Variants in CCDC167 observed in about 807,000 individuals in gnomAD.
CCDC167 encodes the protein coiled-coil domain-containing protein 167.
Under a neutral mutation model 12.7 loss-of-function variants are expected in CCDC167, and 15 were observed. The ratio of observed to expected loss-of-function variants is 1.18; its 90% CI spans 0.79 to 1.81. The LOEUF is 1.81. Ranked by LOEUF, CCDC167 falls within the 40% of genes most tolerant of loss-of-function variation. The probability of loss-of-function intolerance (pLI) is 0.00; values close to 1 mark genes in which losing one functional copy is unlikely to be tolerated. For missense variants in CCDC167, 121 were observed against 120.1 expected (o/e 1.01, Z -0.03); for synonymous variants, 52 against 49.0 (o/e 1.06, Z -0.26).
At chr6:37,498,812 G>A (rs983372317) in intron 1 of CCDC167, among the ~76,000 whole-genome samples, 24 of 130,564 alleles carry the variant, frequency 1.8e-4, no homozygotes, top group African/African-American at 6.4e-4. Context: ...ACAACAGAGC[G>A]AGACTCTGTC....
chr6:37,489,629 C>G (rs1761990162), intron 1 of CCDC167, among the ~76,000 whole-genome samples: 1 of 152,192 alleles, frequency 6.6e-6, no homozygotes, highest in Non-Finnish European at 1.5e-5. Context: ...AAATGTGGAA[C>G]AGCAGGTGAG....
chr6:37,488,476 G>A (rs1296338486), intron 1 of CCDC167, among the ~76,000 whole-genome samples: 1 of 152,246 alleles, frequency 6.6e-6, no homozygotes, highest in Non-Finnish European at 1.5e-5. Flanking sequence ...TAAAGGCAAC[G>A]GAAGACAAGA....
chr6:37,489,237 AAAAC>A lies in CCDC167; in HGVS notation c.43-4047_43-4044del, dbSNP rs141701390. ...GGTGACAGAGCGAGACTCTATCTCA[AAAAC>A]AAACAAACAAACAAAAAAAAACAGC... On this transcript the variant is annotated intron_variant, in intron 1 of 3. Transcript: ENST00000373408. Among the ~76,000 whole-genome samples, 98 of 64,234 alleles carry A rather than the reference AAAAC, an allele frequency of 1.5e-3. 1 individual carries two copies. Among genetic ancestry groups the A allele is most frequent in the Non-Finnish European group, 3.6e-3 (64 of 17,884 alleles). 42.1% of individuals were successfully genotyped at this position (64,234 alleles called of 152,430 possible).
Position 37,483,141 on chromosome 6 carries a change from A to G in CCDC167, c.*45T>C, listed in dbSNP as rs1412624272. On this transcript the variant is annotated 3_prime_UTR_variant, in exon 4 of 4. Transcript: ENST00000373408. Reference sequence around the variant, plus strand: ...TGAAGTGCCTGCTTGATCCTGATCAAGGGGCCAAGTGGAAGCCTGTGCTGG... The same window carrying G: ...TGAAGTGCCTGCTTGATCCTGATCAGGGGGCCAAGTGGAAGCCTGTGCTGG... 1.4e-6 allele frequency: 2 copies of G among 1,471,794 alleles called. No homozygotes were observed. The highest frequency in any genetic ancestry group is 1.9e-6 in the Non-Finnish European group (2 of 1,050,634). The allele number at this position is 1,471,794 out of a possible 1,614,324, so 91.2% of individuals were successfully genotyped here.
Position 37,485,105 on chromosome 6 carries a change from C to T in CCDC167, c.132G>A (p.Glu44=), listed in dbSNP as rs746925030. The T allele has an allele frequency of 1.9e-6, 3 of 1,611,948 alleles. No homozygotes were observed. In the African/African-American group the frequency reaches 4.0e-5, roughly 22 times the overall value. ...TGGCTGGGCAGGAGCATTACCTGGC[C>T]TCTGGGCTCAGCTCCCGGCTGTGGA... ...SRLHSRELSP[E]ARRSLEKEKN... Residue 44 remains glutamate, a synonymous_variant, in exon 2 of 4, where the codon GAG becomes GAA. Coordinates refer to ENST00000373408, the MANE Select transcript of CCDC167 (RefSeq NM_138493.3).
chr6:37,499,263 A>C (rs1034049914), intron 1 of CCDC167, among the ~76,000 whole-genome samples: 1 of 152,224 alleles, frequency 6.6e-6, no homozygotes, highest in African/African-American at 2.4e-5. Flanking sequence ...AATTATTTTT[A>C]AGCCATTCAG....
chr6:37,499,732 C>G (rs1762141399), intron 1 of CCDC167, 90 bp downstream of exon 1: 12 of 1,420,016 alleles, frequency 8.5e-6, no homozygotes, highest in Non-Finnish European at 1.2e-5. Flanking sequence ...CGCTTGGCTC[C>G]TCCTCCTATC....
chr6:37,489,871 C>G (rs958709179), intron 1 of CCDC167, among the ~76,000 whole-genome samples: 1 of 152,218 alleles, frequency 6.6e-6, no homozygotes, highest in Non-Finnish European at 1.5e-5. Context: ...GCAGCACTTA[C>G]GGCTGTGACT....
In CCDC167 at chr6:37,483,080, A is replaced by G; in HGVS notation, c.*106T>C. 1 of 898,034 alleles carries G rather than the reference A, an allele frequency of 1.1e-6. No individual in the cohort carries two copies. The highest frequency in any genetic ancestry group is 2.5e-5 in the East Asian group (1 of 39,994). The allele number at this position is 898,034 out of a possible 1,614,324, so 55.6% of individuals were successfully genotyped here. A position where few individuals can be genotyped will look rare whatever the true frequency, so the allele number is the denominator to read the frequency against. ...AGCCATGCTTGAACACTAGGTTGGG[A>G]GGGGAACACCCCAGCACCTTGGTCC... On this transcript the variant is annotated 3_prime_UTR_variant, in exon 4 of 4. Coordinates refer to ENST00000373408, the MANE Select transcript of CCDC167 (RefSeq NM_138493.3).
At chr6:37,484,571 C>G (rs1446223387) in intron 3 of CCDC167, among the ~76,000 whole-genome samples, 2 of 152,186 alleles carry the variant, frequency 1.3e-5, no homozygotes, top group African/African-American at 2.4e-5. Context: ...GGCCACATCC[C>G]TTCATCCCAA....
At chr6:37,488,854 T>C (rs1051884077) in intron 1 of CCDC167, among the ~76,000 whole-genome samples, 1 of 152,270 alleles carries the variant, frequency 6.6e-6, no homozygotes. Flanking sequence ...GTGTTTGCTA[T>C]CTTTATTATC....
At position 37,489,253 on chromosome 6, in the gene CCDC167, C is replaced by CA. The variant is rs747421465; in HGVS notation, c.43-4060dup. ...TCTATCTCAAAAACAAACAAACAAACAAAAAAAAACAGCAGGGGTGTGAGG... is the reference window on the plus strand; with the variant it reads ...TCTATCTCAAAAACAAACAAACAAACAAAAAAAAAACAGCAGGGGTGTGAGG... On this transcript the variant is annotated intron_variant, in intron 1 of 3. Coordinates refer to ENST00000373408, the MANE Select transcript of CCDC167 (RefSeq NM_138493.3). Among the ~76,000 whole-genome samples the CA allele has an allele frequency of 5.0e-4, 75 of 149,338 alleles. 2 individuals are homozygous for CA. The South Asian group carries it at 7.1e-3, about 14-fold the overall frequency.
chr6:37,498,939 T>C (rs1354729785), intron 1 of CCDC167, among the ~76,000 whole-genome samples: 1 of 152,202 alleles, frequency 6.6e-6, no homozygotes, highest in Non-Finnish European at 1.5e-5. Context: ...ACTCTATGCA[T>C]GCTAAAGTTT....
chr6:37,499,641 G>C (rs1461713815), intron 1 of CCDC167, among the ~76,000 whole-genome samples, 181 bp downstream of exon 1: 1 of 151,996 alleles, frequency 6.6e-6, no homozygotes, highest in African/African-American at 2.4e-5. Context: ...CACCTCCTCG[G>C]GCTCCCTGTC....
chr6:37,483,998 C>T (rs1761906045), intron 3 of CCDC167, among the ~76,000 whole-genome samples: 3 of 152,196 alleles, frequency 2.0e-5, no homozygotes, highest in Admixed American at 6.5e-5. Context: ...AAACTAATGT[C>T]CCATCCCTGT....
At chr6:37,495,671 G>A (rs1762088853) in intron 1 of CCDC167, among the ~76,000 whole-genome samples, 2 of 152,190 alleles carry the variant, frequency 1.3e-5, no homozygotes, top group African/African-American at 4.8e-5. Flanking sequence ...AGAGGTGGCT[G>A]CTTATACAGC....
At chr6:37,487,303 G>A (rs1168399822) in intron 1 of CCDC167, among the ~76,000 whole-genome samples, 4 of 152,146 alleles carry the variant, frequency 2.6e-5, no homozygotes, top group Non-Finnish European at 5.9e-5. Flanking sequence ...TCCTCTTTGT[G>A]CCCACCAAGG....
At chr6:37,498,698 GC>G (rs1163099991) in intron 1 of CCDC167, among the ~76,000 whole-genome samples, 4 of 152,066 alleles carry the variant, frequency 2.6e-5, no homozygotes, top group African/African-American at 7.2e-5. Context: ...GGTGGCACGT[GC>G]CTGTAATCCC....
At chr6:37,495,369 C>A (rs1762086272) in intron 1 of CCDC167, among the ~76,000 whole-genome samples, 1 of 152,198 alleles carries the variant, frequency 6.6e-6, no homozygotes, top group South Asian at 2.1e-4. Flanking sequence ...CAGCTCATTA[C>A]CATCAGAGAT....
Sources: allele counts gnomAD v4.1 joint callset (sites outside exome capture counted in the v4.1 genomes callset), GRCh38; gene constraint gnomAD v4.1.1; transcripts MANE v1.5; gene names NCBI Gene and HGNC (gene_info 2026-07-23, HGNC 2026-07-21).